POLR1A: variants seen among roughly 807,000 people sequenced by gnomAD.
The protein encoded by POLR1A is RNA polymerase I subunit A, also known as DNA-directed RNA polymerase I subunit RPA1.
POLR1A carries 84 observed loss-of-function variants against 205.3 expected under a neutral mutation model. That is an observed-to-expected ratio of 0.41 (90% CI 0.34 to 0.49). The LOEUF is 0.49. Ranked by LOEUF, POLR1A falls within the 20% of genes least tolerant of loss-of-function variation. The pLI is 0.22. For synonymous variants in POLR1A, 799 were observed against 863.7 expected (o/e 0.93, Z 1.31); for missense variants, 1,645 against 2,204.5 (o/e 0.75, Z 5.08).
intron 14 of POLR1A, among the ~76,000 whole-genome samples, chr2:86,058,010 C>G (rs1231670796): frequency 6.6e-6 from 1 of 152,238 alleles, no homozygotes; most frequent in Non-Finnish European, 1.5e-5. Flanking sequence ...TCATAGCTCA[C>G]TGCAGCCTCA....
At chr2:86,073,987 G>A (rs1302400509) in intron 12 of POLR1A, among the ~76,000 whole-genome samples, 1 of 152,150 alleles carries the variant, frequency 6.6e-6, no homozygotes, top group East Asian at 1.9e-4. Flanking sequence ...ACCTTACTTC[G>A]TGCACTAGAG....
In POLR1A at chr2:86,028,192, C is replaced by T. The variant is rs77380919; in HGVS notation, c.4898-143G>A. ...CCCCTTCAGCTCCGCCACCTGCTCACGCTACTTAACCCTTCCCCGTGGTCT... is the reference window on the plus strand; with the variant it reads ...CCCCTTCAGCTCCGCCACCTGCTCATGCTACTTAACCCTTCCCCGTGGTCT... On this transcript the variant is annotated intron_variant, in intron 32 of 33. Coordinates refer to ENST00000263857, the MANE Select transcript of POLR1A (RefSeq NM_015425.6). The surrounding 1 kb of genome is among the most constrained non-coding windows in gnomAD (Gnocchi z 4.5). The T allele has an allele frequency of 9.3e-6, 7 of 754,200 alleles. No individual in the cohort carries two copies. The highest frequency in any genetic ancestry group is 1.7e-5 in the African/African-American group (1 of 58,384). 46.7% of individuals were successfully genotyped at this position (754,200 alleles called of 1,614,324 possible). A position where few individuals can be genotyped will look rare whatever the true frequency, so the allele number is the denominator to read the frequency against.
chr2:86,042,231 T>C, intron 23 of POLR1A, 128 bp from the exon 24 acceptor site: 1 of 695,566 alleles, frequency 1.4e-6, no homozygotes, highest in Non-Finnish European at 2.5e-6. Context: ...AGAAACCATC[T>C]CCCCATTTAA....
chr2:86,086,930 A>G (rs1673513153), intron 6 of POLR1A, among the ~76,000 whole-genome samples: 1 of 152,254 alleles, frequency 6.6e-6, no homozygotes, highest in Non-Finnish European at 1.5e-5. Flanking sequence ...TAAGTGTAGG[A>G]AAATCCACTC....
intron 6 of POLR1A, among the ~76,000 whole-genome samples, chr2:86,087,705 G>C (rs1673527119): frequency 6.6e-6 from 1 of 151,418 alleles, no homozygotes; most frequent in Non-Finnish European, 1.5e-5. Flanking sequence ...ACCACGCCTG[G>C]CTAATTTTTG....
At position 86,032,356 on chromosome 2, in the gene POLR1A, C is replaced by G; in HGVS notation, c.4188G>C (p.Glu1396Asp). 2 of 1,613,404 alleles carry G rather than the reference C, an allele frequency of 1.2e-6. No homozygotes were observed. The highest frequency in any genetic ancestry group is 8.5e-7 in the Non-Finnish European group (1 of 1,179,356). The change falls in exon 29 of 34, where the codon GAG becomes GAC. Residue 1396 changes from glutamate (E) to aspartate (D), a missense_variant. By Grantham distance (45) the Glu-to-Asp change is conservative. Transcript: ENST00000263857. ...CTTCAGCATCCACAATGTGCCCCTC[C>G]TCTTCCTCATCACCCTCCTGCTCTC... ...SRGEQEGDEE[E>D]EGHIVDAEAE... is the part of the protein sequence containing the mutation.
chr2:86,079,289 G>A (rs1269883227), intron 9 of POLR1A, among the ~76,000 whole-genome samples: 3 of 152,176 alleles, frequency 2.0e-5, no homozygotes, highest in African/African-American at 7.2e-5. Flanking sequence ...CATGATGACC[G>A]GGCCCTGTTA....
In POLR1A at chr2:86,020,938, C is replaced by T. The variant is rs1017525468; in HGVS notation, c.*6485G>A. The T allele has an allele frequency of 3.3e-5, 5 of 152,240 alleles. No homozygotes were observed. The highest frequency in any genetic ancestry group is 2.6e-4 in the Admixed American group (4 of 15,288). 9.4% of individuals were successfully genotyped at this position (152,240 alleles called of 1,614,324 possible). On this transcript the variant is annotated 3_prime_UTR_variant, in exon 34 of 34. Coordinates refer to ENST00000263857, the MANE Select transcript of POLR1A (RefSeq NM_015425.6). ...CACAATTAATTTTACCACCATTTTA[C>T]ATAAAAGGAAACTGAAGTGCATTTC...
At chr2:86,044,522 G>A (rs1672677158) in intron 21 of POLR1A, among the ~76,000 whole-genome samples, 1 of 152,222 alleles carries the variant, frequency 6.6e-6, no homozygotes, top group Non-Finnish European at 1.5e-5. Context: ...CTAGGAGGAG[G>A]AGGCTGCAGC....
intron 12 of POLR1A, among the ~76,000 whole-genome samples, chr2:86,073,401 C>T (rs553926627): frequency 6.6e-5 from 10 of 152,098 alleles, no homozygotes; most frequent in Non-Finnish European, 1.3e-4. Flanking sequence ...CCCAGGACCA[C>T]AGAAATATTT....
At chr2:86,094,805 C>G (rs557649362) in intron 3 of POLR1A, among the ~76,000 whole-genome samples, 1 of 152,168 alleles carries the variant, frequency 6.6e-6, no homozygotes, top group East Asian at 1.9e-4. Flanking sequence ...TCTCTCTCCC[C>G]GTATGTAACC....
intron 12 of POLR1A, among the ~76,000 whole-genome samples, chr2:86,071,228 ATGTGTGTG>A (rs3077169): frequency 6.9e-5 from 3 of 43,562 alleles, no homozygotes; most frequent in Non-Finnish European, 1.5e-4. Context: ...CTCCGTGTGC[ATGTGTGTG>A]TGTGTGTGTG....
At chr2:86,048,857 G>T (rs781119766) in intron 18 of POLR1A, 27 bp downstream of exon 18, 2 of 1,596,438 alleles carry the variant, frequency 1.3e-6, no homozygotes, top group Non-Finnish European at 1.7e-6. Flanking sequence ...TAGTGGTGGG[G>T]ATAAATGCAT....
intron 33 of POLR1A, 26 bp from the exon 34 acceptor site, chr2:86,027,549 C>A: frequency 6.3e-7 from 1 of 1,592,158 alleles, no homozygotes. Flanking sequence ...AAACATGTGT[C>A]AGGGTGTTGA....
Position 86,025,712 on chromosome 2 carries a change from A to C in POLR1A, c.*1711T>G, listed in dbSNP as rs1672226499. 6.6e-6 allele frequency: 1 copy of C among 152,266 alleles called. No homozygotes were observed. The highest frequency in any genetic ancestry group is 1.5e-5 in the Non-Finnish European group (1 of 68,052). 9.4% of individuals were successfully genotyped at this position (152,266 alleles called of 1,614,324 possible). ...AATCCACGGACCCTGTGCCACAGTC[A>C]CCAGGTTACTTTGTGATCTCCTTCA... On this transcript the variant is annotated 3_prime_UTR_variant, in exon 34 of 34. Transcript: ENST00000263857.
At chr2:86,079,429 C>T (rs982227140) in intron 9 of POLR1A, among the ~76,000 whole-genome samples, 2 of 152,066 alleles carry the variant, frequency 1.3e-5, no homozygotes, top group Non-Finnish European at 1.5e-5. Flanking sequence ...GGATGGAACA[C>T]AGAGAGTAAG....
chr2:86,035,236 C>T (rs115229500), intron 27 of POLR1A, among the ~76,000 whole-genome samples: 1,876 of 152,300 alleles, frequency 0.012, 49 homozygotes, highest in African/African-American at 0.043. Flanking sequence ...AAAAAGCCCC[C>T]TCATCCATTA....
intron 27 of POLR1A, among the ~76,000 whole-genome samples, chr2:86,036,073 G>A (rs879315455): frequency 6.6e-6 from 1 of 152,184 alleles, no homozygotes; most frequent in Non-Finnish European, 1.5e-5. Context: ...GAACAGGAGG[G>A]GCAGGGGCAG....
At chr2:86,030,104 C>G in intron 31 of POLR1A, 92 bp downstream of exon 31, 1 of 1,019,502 alleles carries the variant, frequency 9.8e-7, no homozygotes, top group Non-Finnish European at 1.5e-6. Flanking sequence ...CAGAGTAAAT[C>G]GCGTAGAGCG....
Sources: allele counts gnomAD v4.1 joint callset (sites outside exome capture counted in the v4.1 genomes callset), GRCh38; gene constraint gnomAD v4.1.1; non-coding constraint Gnocchi (gnomAD v3.1); transcripts MANE v1.5; gene names NCBI Gene and HGNC (gene_info 2026-07-23, HGNC 2026-07-21).